The following FAM135B variants were observed in gnomAD, a reference collection of about 807,000 sequenced individuals.
FAM135B encodes the protein protein FAM135B.
FAM135B carries 43 observed loss-of-function variants against 127.7 expected under a neutral mutation model. That is an observed-to-expected ratio of 0.34 (90% CI 0.26 to 0.43). FAM135B has a LOEUF of 0.43. Among genes scored for constraint, FAM135B ranks in the 20% least tolerant of loss-of-function variants. The pLI, the probability that FAM135B is intolerant of heterozygous loss-of-function variation, is 1.00. For missense variants in FAM135B, 1,558 were observed against 1,725.6 expected, an observed-to-expected ratio of 0.90 and a Z score of 1.72; for synonymous variants, 670 against 665.1, an observed-to-expected ratio of 1.01 and a Z score of -0.11.
chr8:138,358,261 C>A (rs1830211520), intron 2 of FAM135B: 1 of 152,104 alleles, frequency 6.6e-6, no homozygotes. Context: ...GGGGACACAG[C>A]CAAACCATAT....
chr8:138,333,529 T>A (rs1387975503), intron 2 of FAM135B, among the ~76,000 whole-genome samples: 1 of 152,148 alleles, frequency 6.6e-6, no homozygotes, highest in East Asian at 1.9e-4. Context: ...CTCTGTTGTC[T>A]AAGGGCCGGG....
chr8:138,320,599 G>A (rs1827385656), intron 2 of FAM135B, among the ~76,000 whole-genome samples: 1 of 152,156 alleles, frequency 6.6e-6, no homozygotes, highest in Non-Finnish European at 1.5e-5. Context: ...TTCCTTAGAG[G>A]TCTCACAGCT....
At chr8:138,134,852 G>C (rs1344299855) in intron 19 of FAM135B, among the ~76,000 whole-genome samples, 1 of 152,096 alleles carries the variant, frequency 6.6e-6, no homozygotes, top group Non-Finnish European at 1.5e-5. Context: ...ATGACTAACA[G>C]GAAGATTAAT....
chr8:138,325,225 T>C (rs1827719990), intron 2 of FAM135B, among the ~76,000 whole-genome samples: 6 of 152,180 alleles, frequency 3.9e-5, no homozygotes, highest in Admixed American at 3.9e-4. Context: ...CCAATCAAAT[T>C]GTGTTTAAAT....
At chr8:138,169,873 G>A (rs1820274885) in intron 11 of FAM135B, among the ~76,000 whole-genome samples, 1 of 152,226 alleles carries the variant, frequency 6.6e-6, no homozygotes, top group South Asian at 2.1e-4. Flanking sequence ...CTGTGATCTA[G>A]GGAAATGCAG....
intron 2 of FAM135B, among the ~76,000 whole-genome samples, chr8:138,357,646 A>G (rs1830174940): frequency 6.6e-6 from 1 of 152,104 alleles, no homozygotes; most frequent in African/African-American, 2.4e-5. Context: ...ACTGCTTTTG[A>G]GCAATATCTG....
intron 2 of FAM135B, among the ~76,000 whole-genome samples, chr8:138,339,343 T>G (rs566699087): frequency 1.7e-5 from 2 of 117,452 alleles, no homozygotes; most frequent in African/African-American, 6.6e-5. Context: ...TGCATCCTGT[T>G]TAAAAAACTA....
At chr8:138,443,579 T>C (rs1301553891) in intron 1 of FAM135B, among the ~76,000 whole-genome samples, 2 of 152,176 alleles carry the variant, frequency 1.3e-5, no homozygotes, top group Non-Finnish European at 2.9e-5. Context: ...AAAATTGTCA[T>C]TCATCAAATT....
At chr8:138,282,248 G>T (rs1824321384) in intron 3 of FAM135B, among the ~76,000 whole-genome samples, 1 of 152,116 alleles carries the variant, frequency 6.6e-6, no homozygotes. Flanking sequence ...GAAATATTTA[G>T]ATTTCCTTGG....
intron 12 of FAM135B, among the ~76,000 whole-genome samples, chr8:138,167,364 T>C (rs1176280432): frequency 6.6e-6 from 1 of 151,960 alleles, no homozygotes; most frequent in East Asian, 1.9e-4. Flanking sequence ...CCCAGCTCAT[T>C]TTTGTATTTT....
intron 4 of FAM135B, among the ~76,000 whole-genome samples, chr8:138,257,485 C>T (rs867713712): frequency 6.6e-6 from 1 of 151,994 alleles, no homozygotes; most frequent in Non-Finnish European, 1.5e-5. Context: ...GAAGATGGTA[C>T]CCCTAGTTCT....
At chr8:138,270,362 T>C (rs1240043511) in intron 3 of FAM135B, among the ~76,000 whole-genome samples, 1 of 152,126 alleles carries the variant, frequency 6.6e-6, no homozygotes, top group Non-Finnish European at 1.5e-5. Context: ...TGAAGCTATC[T>C]TGAGAAAAGC....
intron 1 of FAM135B, among the ~76,000 whole-genome samples, chr8:138,375,799 G>C (rs539519218): frequency 1.3e-5 from 2 of 152,184 alleles, no homozygotes; most frequent in South Asian, 2.1e-4. Flanking sequence ...TGGTAGGGAT[G>C]GGGGGAAGTC....
intron 3 of FAM135B, among the ~76,000 whole-genome samples, chr8:138,279,993 A>G (rs1480379999): frequency 1.3e-4 from 20 of 152,194 alleles, no homozygotes; most frequent in Admixed American, 6.5e-4. Context: ...TGCAACCAAT[A>G]TGGGGACTGG....
At chr8:138,457,839 C>T (rs951675558) in intron 1 of FAM135B, among the ~76,000 whole-genome samples, 2 of 151,906 alleles carry the variant, frequency 1.3e-5, no homozygotes, top group African/African-American at 4.8e-5. Context: ...TAGCCAGGCG[C>T]CCTGATGGGC....
chr8:138,328,914 A>G (rs556624521), intron 2 of FAM135B, among the ~76,000 whole-genome samples: 1 of 152,308 alleles, frequency 6.6e-6, no homozygotes, highest in South Asian at 2.1e-4. Context: ...GCATGTATAT[A>G]CTGTATGTAC....
intron 12 of FAM135B, among the ~76,000 whole-genome samples, chr8:138,162,186 T>C (rs959781415): frequency 6.6e-6 from 1 of 152,118 alleles, no homozygotes; most frequent in Non-Finnish European, 1.5e-5. Context: ...TTGCAAAATA[T>C]TGGGAAACAT....
chr8:138,252,934 G>C (rs1352412710), intron 5 of FAM135B, among the ~76,000 whole-genome samples: 1 of 152,048 alleles, frequency 6.6e-6, no homozygotes, highest in Non-Finnish European at 1.5e-5. Flanking sequence ...CAAGTAGCTG[G>C]GATTACAAGT....
chr8:138,429,832 C>CAGA (rs1478383831), intron 1 of FAM135B, among the ~76,000 whole-genome samples: 1 of 152,028 alleles, frequency 6.6e-6, no homozygotes, highest in African/African-American at 2.4e-5. Flanking sequence ...TTTTAACATC[C>CAGA]AGAAAGCCCT....
Sources: allele counts gnomAD v4.1 joint callset (sites outside exome capture counted in the v4.1 genomes callset), GRCh38; gene constraint gnomAD v4.1.1; transcripts MANE v1.5; gene names NCBI Gene and HGNC (gene_info 2026-07-23, HGNC 2026-07-21).